Variants in GUCY1A1 observed in about 807,000 individuals in gnomAD.
The protein encoded by GUCY1A1 is guanylate cyclase 1 soluble subunit alpha 1, also known as guanylate cyclase soluble subunit alpha-1.
In GUCY1A1, 48 loss-of-function variants were observed where a neutral mutation model predicts 64.5. The observed-to-expected ratio is 0.74, with a 90% CI of 0.59 to 0.95. The LOEUF (loss-of-function observed/expected upper bound fraction) is 0.95. Ranked by LOEUF, GUCY1A1 falls within the 40% of genes least tolerant of loss-of-function variation. GUCY1A1 has a pLI of 0.00. For synonymous variants in GUCY1A1, 308 were observed against 303.4 expected (o/e 1.02, Z -0.16); for missense variants, 804 against 825.3 (o/e 0.97, Z 0.32).
intron 9 of GUCY1A1, among the ~76,000 whole-genome samples, chr4:155,723,646 T>G (rs9884184): frequency 0.012 from 1,803 of 147,852 alleles, 38 homozygotes; most frequent in African/African-American, 0.044. Flanking sequence ...ATTTATTTAT[T>G]TATTTATTTA....
At chr4:155,704,681 G>T (rs1560941840) in intron 4 of GUCY1A1, among the ~76,000 whole-genome samples, 1 of 151,830 alleles carries the variant, frequency 6.6e-6, no homozygotes, top group Non-Finnish European at 1.5e-5. Context: ...TTCCTTTAAA[G>T]CATTTCTGAA....
chr4:155,729,909 T>G (rs1735324983), intron 9 of GUCY1A1, 121 bp from the exon 10 acceptor site: 3 of 621,902 alleles, frequency 4.8e-6, no homozygotes, highest in Non-Finnish European at 8.5e-6. Context: ...AGACTTTTTC[T>G]GTCACTCACA....
chr4:155,728,125 A>G (rs1450892001), intron 9 of GUCY1A1, among the ~76,000 whole-genome samples: 1 of 151,940 alleles, frequency 6.6e-6, no homozygotes, highest in East Asian at 1.9e-4. Flanking sequence ...TCCACTCAGT[A>G]TTATGTTTCT....
intron 9 of GUCY1A1, among the ~76,000 whole-genome samples, chr4:155,728,280 G>A (rs1283712309): frequency 6.6e-6 from 1 of 151,826 alleles, no homozygotes; most frequent in Non-Finnish European, 1.5e-5. Context: ...CAATTTCTGT[G>A]GTGTTACTAT....
intron 3 of GUCY1A1, among the ~76,000 whole-genome samples, chr4:155,697,355 C>A (rs1730552558): frequency 6.6e-6 from 1 of 152,116 alleles, no homozygotes; most frequent in Admixed American, 6.6e-5. Context: ...TGCAGTCTGA[C>A]AAACTTTATG....
chr4:155,705,956 C>T (rs1046083619), intron 4 of GUCY1A1, among the ~76,000 whole-genome samples: 2 of 152,192 alleles, frequency 1.3e-5, no homozygotes, highest in African/African-American at 4.8e-5. Flanking sequence ...AGTCTTAAGT[C>T]TCTCACTGTG....
rs72972458 is a variant in GUCY1A1, at chr4:155,726,384, A to G, written c.1872-3646A>G. ...TAAATAAATTTCAATTAAACATCCAATGCTTTGGGAAATTTAGTCAACGGT... is the reference window on the plus strand; with the variant it reads ...TAAATAAATTTCAATTAAACATCCAGTGCTTTGGGAAATTTAGTCAACGGT... On this transcript the variant is annotated intron_variant, in intron 9 of 9. Coordinates refer to ENST00000506455, the MANE Select transcript of GUCY1A1 (RefSeq NM_001130682.3). Among the ~76,000 whole-genome samples the G allele has an allele frequency of 5.5e-3, 835 of 152,062 alleles. 6 individuals are homozygous for G. The highest frequency in any genetic ancestry group is 0.02 in the African/African-American group (810 of 41,528).
At chr4:155,667,533 C>T (rs1244385100) in intron 2 of GUCY1A1, 114 bp downstream of exon 2, 1 of 152,188 alleles carries the variant, frequency 6.6e-6, no homozygotes, top group East Asian at 1.9e-4. Context: ...CTTCGGTACG[C>T]TCCCAGTTGC....
intron 2 of GUCY1A1, among the ~76,000 whole-genome samples, chr4:155,692,218 C>T (rs1729840483): frequency 6.6e-6 from 1 of 152,100 alleles, no homozygotes; most frequent in African/African-American, 2.4e-5. Context: ...AGGTTGATTC[C>T]ATGTTTTACT....
chr4:155,713,932 A>C (rs2126880480), intron 7 of GUCY1A1, among the ~76,000 whole-genome samples: 1 of 152,338 alleles, frequency 6.6e-6, no homozygotes. Context: ...TCACTGTGGA[A>C]ACCGAGTTGA....
At chr4:155,719,620 G>A (rs959228203) in intron 8 of GUCY1A1, among the ~76,000 whole-genome samples, 7 of 152,008 alleles carry the variant, frequency 4.6e-5, no homozygotes, top group South Asian at 2.1e-4. Flanking sequence ...CCTTTAGCAC[G>A]TCACATGTGC....
At chr4:155,684,791 T>C (rs1373431525) in intron 2 of GUCY1A1, among the ~76,000 whole-genome samples, 2 of 152,152 alleles carry the variant, frequency 1.3e-5, no homozygotes, top group Non-Finnish European at 2.9e-5. Flanking sequence ...CTAGAGAGGC[T>C]CAAAGTGAAG....
chr4:155,692,030 G>A (rs1729810592), intron 2 of GUCY1A1, among the ~76,000 whole-genome samples: 2 of 152,138 alleles, frequency 1.3e-5, no homozygotes, highest in Non-Finnish European at 2.9e-5. Context: ...TCACTTATAA[G>A]TGAGAACATG....
intron 2 of GUCY1A1, among the ~76,000 whole-genome samples, chr4:155,696,158 A>C (rs145709552): frequency 1.3e-5 from 2 of 152,160 alleles, no homozygotes; most frequent in Non-Finnish European, 2.9e-5. Context: ...ATATTTTTAA[A>C]TTGCTTTACC....
rs148494045 is a variant in GUCY1A1, at chr4:155,714,016, GAC to G, written c.1572+437_1572+438del. On this transcript the variant is annotated intron_variant, in intron 7 of 9. Transcript: ENST00000506455. ...TATCCTTTGTATCTGTAAGAGTAAA[GAC>G]ACATGAGGATTATAAAAATTGCCTT... Among the ~76,000 whole-genome samples, 849 of 152,272 alleles carry G rather than the reference GAC, an allele frequency of 5.6e-3. 6 individuals carry two copies. Among genetic ancestry groups the G allele is most frequent in the African/African-American group, 0.02 (818 of 41,560 alleles).
chr4:155,723,755 C>G (rs552088174), intron 9 of GUCY1A1, among the ~76,000 whole-genome samples: 1 of 152,046 alleles, frequency 6.6e-6, no homozygotes, highest in East Asian at 1.9e-4. Context: ...CTCTGCCTCC[C>G]AGTTTCAAGT....
rs1433118316 is a variant in GUCY1A1, at chr4:155,713,405, A to C, written c.1394A>C (p.Gln465Pro). The C allele has an allele frequency of 6.2e-7, 1 of 1,614,196 alleles. No homozygotes were observed. Among genetic ancestry groups the C allele is most frequent in the South Asian group, 1.1e-5 (1 of 91,084 alleles). ...CSIFPCEVAQ[Q>P]LWQGQVVQAK... ...ATATTTCCCTGTGAGGTTGCTCAGC[A>C]GCTGTGGCAAGGGCAAGTTGTGCAA... Residue 465 changes from glutamine (Q) to proline (P), a missense_variant, in exon 7 of 10, where the codon CAG (glutamine) becomes CCG (proline). Coordinates refer to ENST00000506455, the MANE Select transcript of GUCY1A1 (RefSeq NM_001130682.3).
At chr4:155,703,229 A>G (rs1731323551) in intron 3 of GUCY1A1, among the ~76,000 whole-genome samples, 1 of 152,190 alleles carries the variant, frequency 6.6e-6, no homozygotes, top group Non-Finnish European at 1.5e-5. Flanking sequence ...TCAGAAATCA[A>G]TAAAAGAAAA....
In GUCY1A1 at chr4:155,710,895, T is replaced by C. The variant is rs758409985; in HGVS notation, c.730T>C (p.Cys244Arg). ...SLMPPCFHNDCSEFVNQPYLL... is the reference protein window; with the variant it reads ...SLMPPCFHNDRSEFVNQPYLL... Reference sequence around the variant, plus strand: ...AATGCCTCCCTGCTTCCATAATGATTGCAGCGAGTTTGTGAATCAGCCCTA... The same window carrying C: ...AATGCCTCCCTGCTTCCATAATGATCGCAGCGAGTTTGTGAATCAGCCCTA... Residue 244 changes from cysteine (C) to arginine (R), a missense_variant, in exon 6 of 10, where the codon TGC becomes CGC. Coordinates refer to ENST00000506455, the MANE Select transcript of GUCY1A1 (RefSeq NM_001130682.3). The C allele has an allele frequency of 1.9e-6, 3 of 1,613,728 alleles. No individual in the cohort carries two copies. The highest frequency in any genetic ancestry group is 2.5e-6 in the Non-Finnish European group (3 of 1,179,728).
Sources: gnomAD v4.1 joint callset for allele counts (sites outside exome capture counted in the v4.1 genomes callset) on GRCh38, gnomAD v4.1.1 for gene constraint, MANE v1.5 for transcripts, NCBI Gene and HGNC (gene_info 2026-07-23, HGNC 2026-07-21) for gene names.